PPP1R3A: variants seen among roughly 807,000 people sequenced by gnomAD.
The protein encoded by PPP1R3A is RG1.
PPP1R3A carries 29 observed loss-of-function variants against 41.7 expected under a neutral mutation model. That is an observed-to-expected ratio of 0.70 (90% CI 0.52 to 0.95). PPP1R3A has a LOEUF of 0.95. PPP1R3A is among the 40% of genes least tolerant of loss of function. PPP1R3A has a pLI of 0.00. For missense variants in PPP1R3A, 1,352 were observed against 1,292.4 expected, an observed-to-expected ratio of 1.05 and a Z score of -0.71; for synonymous variants, 485 against 453.4, an observed-to-expected ratio of 1.07 and a Z score of -0.89.
chr7:113,916,220 ATTTT>A (rs1685920108), intron 1 of PPP1R3A, among the ~76,000 whole-genome samples: 1 of 151,982 alleles, frequency 6.6e-6, no homozygotes, highest in African/African-American at 2.4e-5. Flanking sequence ...GATTTTTTCC[ATTTT>A]TATAACTCAT....
At chr7:113,902,011 G>A (rs1205172960) in intron 1 of PPP1R3A, among the ~76,000 whole-genome samples, 1 of 151,824 alleles carries the variant, frequency 6.6e-6, no homozygotes, top group East Asian at 1.9e-4. Context: ...TAGAAAACAA[G>A]AAGCATGTTG....
At chr7:113,885,070 T>C (rs981860075) in intron 1 of PPP1R3A, among the ~76,000 whole-genome samples, 10 of 152,144 alleles carry the variant, frequency 6.6e-5, no homozygotes, top group Non-Finnish European at 1.0e-4. Flanking sequence ...TTAAATTTTT[T>C]TGGACACAAC....
intron 1 of PPP1R3A, among the ~76,000 whole-genome samples, chr7:113,915,693 T>G (rs1797330878): frequency 6.6e-6 from 1 of 151,348 alleles, no homozygotes. Context: ...ACATAGGAAG[T>G]GTAGAAATGC....
intron 1 of PPP1R3A, among the ~76,000 whole-genome samples, chr7:113,902,894 C>G (rs545421451): frequency 1.4e-4 from 21 of 151,898 alleles, no homozygotes; most frequent in South Asian, 8.3e-4. Flanking sequence ...ACAATATTGG[C>G]ACATAGTATG....
At chr7:113,899,926 C>T (rs1047752427) in intron 1 of PPP1R3A, among the ~76,000 whole-genome samples, 6 of 151,638 alleles carry the variant, frequency 4.0e-5, no homozygotes, top group South Asian at 2.1e-4. Flanking sequence ...TGAGTGAGGA[C>T]GAGAGGGGCA....
Position 113,894,401 on chromosome 7 carries a change from C to A in PPP1R3A, c.783-12081G>T, listed in dbSNP as rs560469471. ...TCAGAGAGATACCATTAACAAAAAA[C>A]TCAAAGTTATTGGCCTAAAGTCCTT... On this transcript the variant is annotated intron_variant, in intron 1 of 3. Coordinates refer to ENST00000284601, the MANE Select transcript of PPP1R3A (RefSeq NM_002711.4). Among the ~76,000 whole-genome samples, 167 of 152,020 alleles carry A rather than the reference C, an allele frequency of 1.1e-3. 1 individual carries two copies. Among genetic ancestry groups the A allele is most frequent in the African/African-American group, 3.8e-3 (159 of 41,508 alleles).
At chr7:113,891,101 A>AC (rs1432337897) in intron 1 of PPP1R3A, among the ~76,000 whole-genome samples, 11 of 115,446 alleles carry the variant, frequency 9.5e-5, no homozygotes, top group Non-Finnish European at 1.6e-4. Flanking sequence ...AAAAAAAAAA[A>AC]AAAAAAAAAA....
At position 113,879,074 on chromosome 7, in the gene PPP1R3A, G is replaced by C. The variant is rs372908810; in HGVS notation, c.2018C>G (p.Thr673Arg). ...ATCTGTTTGTCCTTTGATATGCTCTGTTATGTTTGTCTTATTCTCTCTTGA... is the reference window on the plus strand; with the variant it reads ...ATCTGTTTGTCCTTTGATATGCTCTCTTATGTTTGTCTTATTCTCTCTTGA... ...GKSRENKTNI[T>R]EHIKGQTDCE... Residue 673 changes from threonine to arginine, a missense_variant, in exon 4 of 4, where the codon ACA becomes AGA. Thr to Arg is a moderately conservative substitution (Grantham distance 71). Coordinates refer to ENST00000284601, the MANE Select transcript of PPP1R3A (RefSeq NM_002711.4). 3.7e-6 allele frequency: 6 copies of C among 1,613,654 alleles called. No homozygotes were observed. Among genetic ancestry groups the C allele is most frequent in the Non-Finnish European group, 5.1e-6 (6 of 1,179,762 alleles).
chr7:113,900,114 A>G (rs552303974), intron 1 of PPP1R3A, among the ~76,000 whole-genome samples: 2 of 151,640 alleles, frequency 1.3e-5, no homozygotes, highest in African/African-American at 4.8e-5. Context: ...GGTAGGAAAC[A>G]TTAATTATTT....
chr7:113,889,611 C>T (rs1208305117), intron 1 of PPP1R3A, among the ~76,000 whole-genome samples: 1 of 152,044 alleles, frequency 6.6e-6, no homozygotes, highest in Non-Finnish European at 1.5e-5. Flanking sequence ...GTAAATTTTC[C>T]CTCACTTCAA....
At chr7:113,880,949 T>C (rs1796683036) in intron 3 of PPP1R3A, among the ~76,000 whole-genome samples, 1 of 152,048 alleles carries the variant, frequency 6.6e-6, no homozygotes, top group Non-Finnish European at 1.5e-5. Context: ...AAATTACAGC[T>C]CCCTGTTCAT....
chr7:113,879,662 A>C lies in PPP1R3A; in HGVS notation c.1430T>G (p.Ile477Ser). Residue 477 changes from isoleucine to serine, a missense_variant, in exon 4 of 4, where the codon ATT becomes AGT. By Grantham distance (142) the Ile-to-Ser change is moderately radical (BLOSUM62 -2). Transcript: ENST00000284601. ...TAAACATCCCAAATCTTTTACTTCA[A>C]TATTTTTAGCTCCTCCTTCATGTTT... The part of the protein sequence containing the change: ...NKKHEGGAKN[I>S]EVKDLGCLRR... The C allele has an allele frequency of 1.2e-6, 2 of 1,613,130 alleles. No individual in the cohort carries two copies. Among genetic ancestry groups the C allele is most frequent in the Non-Finnish European group, 1.7e-6 (2 of 1,179,638 alleles).
At chr7:113,914,822 T>C (rs944310171) in intron 1 of PPP1R3A, among the ~76,000 whole-genome samples, 1 of 152,128 alleles carries the variant, frequency 6.6e-6, no homozygotes, top group African/African-American at 2.4e-5. Flanking sequence ...CAAGTTCATA[T>C]TGCTAGCATG....
chr7:113,916,915 C>T (rs1205884432), intron 1 of PPP1R3A, among the ~76,000 whole-genome samples: 1 of 151,786 alleles, frequency 6.6e-6, no homozygotes, highest in Non-Finnish European at 1.5e-5. Context: ...AGAAAGTTGG[C>T]CTAATTCACA....
At chr7:113,885,679 AAC>A (rs1796773112) in intron 1 of PPP1R3A, among the ~76,000 whole-genome samples, 1 of 151,666 alleles carries the variant, frequency 6.6e-6, no homozygotes, top group African/African-American at 2.4e-5. Flanking sequence ...ACACCACAGA[AAC>A]ACACAATATG....
Position 113,906,100 on chromosome 7 carries a change from G to T in PPP1R3A, c.782+12115C>A, listed in dbSNP as rs560377093. Among the ~76,000 whole-genome samples, 16 of 151,828 alleles carry T rather than the reference G, an allele frequency of 1.1e-4. No homozygotes were observed. In the South Asian group the frequency reaches 3.1e-3, roughly 30 times the overall value. ...TGAACAATTAGAGTATGCTGTAGCA[G>T]ACTATATTATTTCTCAGTTCGATTT... On this transcript the variant is annotated intron_variant, in intron 1 of 3. Coordinates refer to ENST00000284601, the MANE Select transcript of PPP1R3A (RefSeq NM_002711.4).
At chr7:113,915,770 G>T (rs959540849) in intron 1 of PPP1R3A, among the ~76,000 whole-genome samples, 12 of 151,622 alleles carry the variant, frequency 7.9e-5, no homozygotes, top group Non-Finnish European at 1.5e-4. Context: ...TATAATTTTT[G>T]ATCAAATAAG....
intron 1 of PPP1R3A, among the ~76,000 whole-genome samples, chr7:113,915,714 C>T (rs1283791341): frequency 6.6e-6 from 1 of 151,270 alleles, no homozygotes; most frequent in Non-Finnish European, 1.5e-5. Context: ...TCAGAAATGA[C>T]CCATTTAGAT....
chr7:113,894,349 A>T (rs1267527539), intron 1 of PPP1R3A, among the ~76,000 whole-genome samples: 1 of 152,028 alleles, frequency 6.6e-6, no homozygotes, highest in East Asian at 1.9e-4. Context: ...TTTTTCAGCT[A>T]TGGATACTGG....
Sources: allele counts gnomAD v4.1 joint callset (sites outside exome capture counted in the v4.1 genomes callset), GRCh38; gene constraint gnomAD v4.1.1; transcripts MANE v1.5; gene names NCBI Gene and HGNC (gene_info 2026-07-23, HGNC 2026-07-21).